TAF1B: variants seen among roughly 807,000 people sequenced by gnomAD.
The protein encoded by TAF1B is TATA-box binding protein associated factor, RNA polymerase I subunit B.
Under a neutral mutation model 83.9 loss-of-function variants are expected in TAF1B, and 61 were observed. The observed-to-expected ratio is 0.73, with a 90% CI of 0.59 to 0.90. The LOEUF (loss-of-function observed/expected upper bound fraction) is 0.90, where lower values mean the gene tolerates loss of function less well. Ranked by LOEUF, TAF1B falls within the 40% of genes least tolerant of loss-of-function variation. The pLI is 0.00. For synonymous variants in TAF1B, 221 were observed against 224.6 expected (o/e 0.98, Z 0.14); for missense variants, 625 against 677.0 (o/e 0.92, Z 0.85).
intron 3 of TAF1B, among the ~76,000 whole-genome samples, chr2:9,850,991 C>G (rs2125135176): frequency 6.6e-6 from 1 of 152,298 alleles, no homozygotes; most frequent in East Asian, 1.9e-4. Context: ...TTTGAATGTT[C>G]TTACTGCCCT....
At chr2:9,861,836 G>T (rs984807840) in intron 5 of TAF1B, among the ~76,000 whole-genome samples, 1 of 152,136 alleles carries the variant, frequency 6.6e-6, no homozygotes, top group Non-Finnish European at 1.5e-5. Flanking sequence ...AGGCAAACAG[G>T]GTCTGGAGTG....
intron 14 of TAF1B, among the ~76,000 whole-genome samples, chr2:9,925,336 A>G (rs1309139284): frequency 3.9e-5 from 6 of 152,124 alleles, no homozygotes; most frequent in African/African-American, 1.2e-4. Flanking sequence ...GCTACTCAGG[A>G]GGCTGAGGTA....
intron 7 of TAF1B, among the ~76,000 whole-genome samples, chr2:9,879,852 C>T (rs1323721710): frequency 6.6e-6 from 1 of 152,140 alleles, no homozygotes; most frequent in African/African-American, 2.4e-5. Flanking sequence ...TCAAAGTTTG[C>T]AAAGCTGTGC....
chr2:9,855,246 C>T (rs757048434), intron 5 of TAF1B, among the ~76,000 whole-genome samples: 39 of 152,334 alleles, frequency 2.6e-4, no homozygotes, highest in South Asian at 8.3e-4. Flanking sequence ...CCATCCTCCT[C>T]GGCCTCCCAA....
At chr2:9,890,791 A>G (rs1435962528) in intron 8 of TAF1B, among the ~76,000 whole-genome samples, 1 of 151,762 alleles carries the variant, frequency 6.6e-6, no homozygotes, top group East Asian at 1.9e-4. Context: ...TTTTTTGGGG[A>G]CGGAGTTTCC....
At chr2:9,874,443 A>G (rs934038817) in intron 6 of TAF1B, among the ~76,000 whole-genome samples, 7 of 145,740 alleles carry the variant, frequency 4.8e-5, no homozygotes, top group African/African-American at 1.3e-4. Context: ...GTCAAATGTA[A>G]TTTTTTTTTT....
At chr2:9,881,152 G>A (rs554859232) in intron 7 of TAF1B, among the ~76,000 whole-genome samples, 123 of 152,168 alleles carry the variant, frequency 8.1e-4, no homozygotes, top group Non-Finnish European at 1.6e-3. Context: ...TGGCCAACAT[G>A]GTGAAAACCT....
chr2:9,874,408 A>G (rs1000426746), intron 6 of TAF1B, among the ~76,000 whole-genome samples: 8 of 151,586 alleles, frequency 5.3e-5, no homozygotes, highest in Non-Finnish European at 1.0e-4. Context: ...CTACATTGCT[A>G]TTTTTCTATG....
At chr2:9,883,873 A>G (rs1040787752) in intron 8 of TAF1B, among the ~76,000 whole-genome samples, 4 of 152,206 alleles carry the variant, frequency 2.6e-5, no homozygotes, top group Admixed American at 6.5e-5. Context: ...AATAGGAAGG[A>G]TGTCATATTG....
At chr2:9,855,533 G>T (rs867980974) in intron 5 of TAF1B, among the ~76,000 whole-genome samples, 2 of 152,024 alleles carry the variant, frequency 1.3e-5, no homozygotes, top group Non-Finnish European at 2.9e-5. Flanking sequence ...TAAAAAATAC[G>T]TACTGGGCAT....
At chr2:9,916,723 T>C (rs1665689709) in intron 12 of TAF1B, among the ~76,000 whole-genome samples, 1 of 152,118 alleles carries the variant, frequency 6.6e-6, no homozygotes, top group African/African-American at 2.4e-5. Context: ...ATATTTTAAA[T>C]GTGGTATGGT....
At chr2:9,924,401 T>G (rs534740018) in intron 14 of TAF1B, among the ~76,000 whole-genome samples, 1 of 152,222 alleles carries the variant, frequency 6.6e-6, no homozygotes, top group Non-Finnish European at 1.5e-5. Context: ...GATAGACATC[T>G]TGACGGCAAA....
intron 14 of TAF1B, among the ~76,000 whole-genome samples, chr2:9,922,768 A>G (rs1665914460): frequency 6.6e-6 from 1 of 152,214 alleles, no homozygotes; most frequent in Admixed American, 6.5e-5. Flanking sequence ...CGGCTAGACC[A>G]GGGCCTAGCA....
In TAF1B at chr2:9,907,194, T is replaced by G. The variant is rs542941057; in HGVS notation, c.955+2188T>G. Among the ~76,000 whole-genome samples, 494 of 152,012 alleles carry G rather than the reference T, an allele frequency of 3.2e-3. 3 individuals carry two copies. The highest frequency in any genetic ancestry group is 0.011 in the African/African-American group (471 of 41,500). On this transcript the variant is annotated intron_variant, in intron 9 of 14. Transcript: ENST00000263663. ...TAAGCCACCAAGCCTGGCCTGTTTT[T>G]TTTTTTTTTTAACAAAAAATAGATC...
chr2:9,869,739 GGT>G (rs1226662360), intron 6 of TAF1B, among the ~76,000 whole-genome samples: 1 of 151,778 alleles, frequency 6.6e-6, no homozygotes, highest in Non-Finnish European at 1.5e-5. Flanking sequence ...AGCTAGGCGT[GGT>G]GGTATGCACC....
At chr2:9,926,442 A>G (rs1295042770) in intron 14 of TAF1B, among the ~76,000 whole-genome samples, 3 of 152,218 alleles carry the variant, frequency 2.0e-5, no homozygotes, top group East Asian at 3.9e-4. Flanking sequence ...GTCCCATACA[A>G]TTTCTCATAG....
At chr2:9,926,890 A>G (rs1213382724) in intron 14 of TAF1B, among the ~76,000 whole-genome samples, 1 of 151,038 alleles carries the variant, frequency 6.6e-6, no homozygotes, top group Non-Finnish European at 1.5e-5. Context: ...TTTTATATAT[A>G]TACTTTAAGT....
At chr2:9,899,603 A>G (rs1457744855) in intron 8 of TAF1B, among the ~76,000 whole-genome samples, 1 of 152,214 alleles carries the variant, frequency 6.6e-6, no homozygotes, top group Non-Finnish European at 1.5e-5. Flanking sequence ...CAGAAGTGCA[A>G]TTAGTGGATC....
chr2:9,887,121 A>G (rs1028805602), intron 8 of TAF1B, among the ~76,000 whole-genome samples: 2 of 152,182 alleles, frequency 1.3e-5, no homozygotes, highest in Non-Finnish European at 2.9e-5. Flanking sequence ...AGTACCTACA[A>G]CTATAATAGT....
Sources: allele counts gnomAD v4.1 joint callset (sites outside exome capture counted in the v4.1 genomes callset), GRCh38; gene constraint gnomAD v4.1.1; transcripts MANE v1.5; gene names NCBI Gene and HGNC (gene_info 2026-07-23, HGNC 2026-07-21).